The following PLD5 variants were observed in gnomAD, a reference collection of about 807,000 sequenced individuals.
PLD5 encodes inactive phospholipase D5.
Under a neutral mutation model 61.1 loss-of-function variants are expected in PLD5, and 36 were observed. The ratio of observed to expected loss-of-function variants is 0.59; its 90% CI spans 0.45 to 0.78. PLD5 has a LOEUF of 0.78. Among genes scored for constraint, PLD5 ranks in the 30% least tolerant of loss-of-function variants. PLD5 has a pLI of 0.00. For synonymous variants in PLD5, 243 were observed against 242.8 expected, an observed-to-expected ratio of 1.00 and a Z score of -0.01; for missense variants, 515 against 644.4, an observed-to-expected ratio of 0.80 and a Z score of 2.17.
intron 4 of PLD5, among the ~76,000 whole-genome samples, chr1:242,261,065 C>T (rs1673348621): frequency 6.6e-6 from 1 of 152,052 alleles, no homozygotes; most frequent in African/African-American, 2.4e-5. Flanking sequence ...ACCTGAAGGT[C>T]CAAGAATAAC....
rs1313866701 is a variant in PLD5 at position 242,272,032 on chromosome 1, AAAT to A, written c.496-6587_496-6585del. Among the ~76,000 whole-genome samples, 4 of 152,330 alleles carry A rather than the reference AAAT, an allele frequency of 2.6e-5. No individual in the cohort carries two copies. In the East Asian group the frequency reaches 7.7e-4, roughly 29 times the overall value. ...ATCATGGGAGGCAGTATTAAGAAAA[AAAT>A]ATATTAGAAGGCTCCTCAGGAAGAT... On this transcript the variant is annotated intron_variant, in intron 3 of 9. Coordinates refer to ENST00000536534, the MANE Select transcript of PLD5 (RefSeq NM_001372062.1).
chr1:242,388,027 C>A lies in PLD5; in HGVS notation c.190-39785G>T, dbSNP rs969310422. Among the ~76,000 whole-genome samples, 117 of 152,022 alleles carry A rather than the reference C, an allele frequency of 7.7e-4. 2 individuals carry two copies. Among genetic ancestry groups the A allele is most frequent in the Admixed American group, 7.7e-3 (117 of 15,260 alleles). On this transcript the variant is annotated intron_variant, in intron 1 of 9. Coordinates refer to ENST00000536534, the MANE Select transcript of PLD5 (RefSeq NM_001372062.1). ...AGCCACGGCACAGACACAGGGGTTG[C>A]CTTGGATTAGATCAGAGACATTTTC...
chr1:242,232,057 AGAG>A (rs755374611), intron 4 of PLD5, among the ~76,000 whole-genome samples: 21 of 152,194 alleles, frequency 1.4e-4, no homozygotes, highest in Non-Finnish European at 2.4e-4. Context: ...ACTCAAAATC[AGAG>A]GAGAAGAAAT....
At chr1:242,291,500 C>T (rs1214220466) in intron 2 of PLD5, among the ~76,000 whole-genome samples, 1 of 151,928 alleles carries the variant, frequency 6.6e-6, no homozygotes, top group Non-Finnish European at 1.5e-5. Flanking sequence ...AGGTGGGGAG[C>T]TGGGATCCAT....
intron 4 of PLD5, among the ~76,000 whole-genome samples, chr1:242,259,509 A>G (rs1370926421): frequency 6.6e-6 from 1 of 152,186 alleles, no homozygotes; most frequent in Non-Finnish European, 1.5e-5. Context: ...TATAGTAAAT[A>G]ATAAGAATGA....
chr1:242,222,640 C>T (rs899083902), intron 4 of PLD5, among the ~76,000 whole-genome samples: 3 of 152,184 alleles, frequency 2.0e-5, no homozygotes, highest in African/African-American at 7.2e-5. Flanking sequence ...CACACAGGTC[C>T]CCTGCAGCCC....
chr1:242,502,704 T>A (rs183379116), intron 1 of PLD5, among the ~76,000 whole-genome samples: 1 of 152,232 alleles, frequency 6.6e-6, no homozygotes, highest in East Asian at 1.9e-4. Flanking sequence ...TGTGTGTGTG[T>A]GCGTATCTCC....
chr1:242,253,690 AAC>A (rs2149086077), intron 4 of PLD5, among the ~76,000 whole-genome samples: 1 of 152,314 alleles, frequency 6.6e-6, no homozygotes, highest in Non-Finnish European at 1.5e-5. Context: ...AACCAGATGA[AAC>A]AGATAAAATT....
chr1:242,138,568 T>C (rs1663923509), intron 5 of PLD5, among the ~76,000 whole-genome samples: 1 of 152,128 alleles, frequency 6.6e-6, no homozygotes, highest in African/African-American at 2.4e-5. Context: ...TTGCAAGAGA[T>C]TTTATAAAGG....
Position 242,524,258 on chromosome 1 carries a change from C to G in PLD5, c.19G>C (p.Glu7Gln). Residue 7 changes from glutamate to glutamine, a missense_variant, in exon 1 of 10, where the codon GAG becomes CAG. Glu to Gln is a conservative substitution (Grantham distance 29). Around this residue, in one of 2 missense-constraint regions of PLD5, gnomAD observed 65 missense variants for 46.3 expected, o/e 1.40. Transcript: ENST00000536534. The part of the protein sequence containing the change: MEIRQH[E>Q]WLSASPHEGF... ...TCATGGGGGGAGGCCGAGAGCCACT[C>G]GTGCTGCCGGATCTCCATCCTGACA... is the stretch of plus-strand genomic sequence containing the variant. 2 of 1,487,384 alleles carry G rather than the reference C, an allele frequency of 1.3e-6. No homozygotes were observed. Among genetic ancestry groups the G allele is most frequent in the Non-Finnish European group, 1.8e-6 (2 of 1,123,200 alleles). The allele number at this position is 1,487,384 out of a possible 1,614,324, so 92.1% of individuals were successfully genotyped here.
intron 5 of PLD5, among the ~76,000 whole-genome samples, chr1:242,175,831 A>G (rs535271780): frequency 6.6e-6 from 1 of 152,234 alleles, no homozygotes; most frequent in East Asian, 1.9e-4. Flanking sequence ...CCAAATCATG[A>G]GTGAACTCCC....
At chr1:242,327,366 T>C in intron 2 of PLD5, among the ~76,000 whole-genome samples, 1 of 152,184 alleles carries the variant, frequency 6.6e-6, no homozygotes, top group Middle Eastern at 3.2e-3. Flanking sequence ...TTTGGTGGAT[T>C]CCTTCAGTAA....
At chr1:242,309,942 C>T (rs1166122103) in intron 2 of PLD5, among the ~76,000 whole-genome samples, 1 of 150,334 alleles carries the variant, frequency 6.7e-6, no homozygotes, top group Admixed American at 6.7e-5. Context: ...CAAGAAAAGG[C>T]AAAATGTACC....
intron 5 of PLD5, among the ~76,000 whole-genome samples, chr1:242,181,708 G>GC (rs753908058): frequency 9.2e-5 from 14 of 151,994 alleles, no homozygotes; most frequent in Non-Finnish European, 1.9e-4. Flanking sequence ...CTGTCACCAG[G>GC]CTGTAGTGCA....
intron 5 of PLD5, among the ~76,000 whole-genome samples, chr1:242,184,105 A>G (rs1667718714): frequency 1.3e-5 from 2 of 152,192 alleles, no homozygotes; most frequent in Non-Finnish European, 2.9e-5. Flanking sequence ...AAACCTTGGA[A>G]TCGATTGCAA....
intron 1 of PLD5, among the ~76,000 whole-genome samples, chr1:242,387,017 A>G (rs1351466342): frequency 6.6e-6 from 1 of 152,220 alleles, no homozygotes; most frequent in African/African-American, 2.4e-5. Context: ...TTATACTCAC[A>G]GTAGATTTGG....
intron 8 of PLD5, among the ~76,000 whole-genome samples, chr1:242,103,755 G>T (rs1410935481): frequency 1.3e-5 from 2 of 152,184 alleles, no homozygotes; most frequent in Non-Finnish European, 2.9e-5. Context: ...ATCTGTGGTA[G>T]TAATCACAGT....
At chr1:242,421,176 C>CAAA (rs5782234) in intron 1 of PLD5, among the ~76,000 whole-genome samples, 10 of 65,136 alleles carry the variant, frequency 1.5e-4, no homozygotes, top group Non-Finnish European at 2.2e-4. Context: ...GACTCCACCT[C>CAAA]AAAAAAAAAA....
intron 1 of PLD5, among the ~76,000 whole-genome samples, chr1:242,411,652 G>A (rs1368713722): frequency 2.6e-5 from 4 of 152,152 alleles, no homozygotes; most frequent in Admixed American, 1.3e-4. Context: ...TTGACCATTT[G>A]CAATGTTTTA....
Sources: allele counts gnomAD v4.1 joint callset (sites outside exome capture counted in the v4.1 genomes callset), GRCh38; gene constraint gnomAD v4.1.1; regional missense constraint gnomAD v4.1.1; transcripts MANE v1.5; gene names NCBI Gene and HGNC (gene_info 2026-07-23, HGNC 2026-07-21).